Variants in DLGAP2 observed in about 807,000 individuals in gnomAD.
DLGAP2 encodes the protein DLG associated protein 2.
A neutral mutation model predicts 100.3 loss-of-function variants in DLGAP2; 26 were observed. The ratio of observed to expected loss-of-function variants is 0.26; its 90% CI spans 0.19 to 0.36. DLGAP2 has a LOEUF of 0.36. Ranked by LOEUF, DLGAP2 falls within the 10% of genes least tolerant of loss-of-function variation. The pLI, the probability that DLGAP2 is intolerant of heterozygous loss-of-function variation, is 1.00. For synonymous variants in DLGAP2, 886 were observed against 630.1 expected (o/e 1.41, Z -6.08); for missense variants, 1,858 against 1,453.2 (o/e 1.28, Z -4.53).
chr8:901,556 C>CCAGAGAGGAGCGAG (rs1798251455), intron 1 of DLGAP2, among the ~76,000 whole-genome samples: 1 of 152,148 alleles, frequency 6.6e-6, no homozygotes, highest in African/African-American at 2.4e-5. Flanking sequence ...GTTAAATGAT[C>CCAGAGAGGAGCGAG]ACGGTGAGAT....
chr8:1,545,942 T>A (rs1801520198), intron 4 of DLGAP2, among the ~76,000 whole-genome samples: 1 of 152,204 alleles, frequency 6.6e-6, no homozygotes, highest in South Asian at 2.1e-4. Flanking sequence ...TAAAATTGTA[T>A]TAAATTACAC....
chr8:1,165,505 T>C (rs1796998223), intron 2 of DLGAP2, among the ~76,000 whole-genome samples: 1 of 152,218 alleles, frequency 6.6e-6, no homozygotes, highest in Non-Finnish European at 1.5e-5. Flanking sequence ...ATGTGTACAT[T>C]TGCTCATCAG....
intron 3 of DLGAP2, among the ~76,000 whole-genome samples, chr8:1,289,197 G>A (rs1245431795): frequency 6.6e-6 from 1 of 152,168 alleles, no homozygotes; most frequent in Admixed American, 6.5e-5. Flanking sequence ...ACCAGTATTG[G>A]GAGTGAAGGA....
chr8:1,011,320 C>T (rs1215857715), intron 2 of DLGAP2, among the ~76,000 whole-genome samples: 2 of 148,068 alleles, frequency 1.4e-5, no homozygotes, highest in Non-Finnish European at 3.0e-5. Context: ...CACAGTGGAC[C>T]CTGGAATGAG....
At chr8:1,668,773 T>C (rs1798613782) in intron 9 of DLGAP2, 95 bp downstream of exon 9, 6 of 1,134,596 alleles carry the variant, frequency 5.3e-6, no homozygotes, top group Non-Finnish European at 7.3e-6. Context: ...CCTGGGTCCT[T>C]AGCACTGACT....
chr8:1,576,500 T>C (rs1402414444), intron 6 of DLGAP2, among the ~76,000 whole-genome samples: 3 of 152,202 alleles, frequency 2.0e-5, no homozygotes, highest in Non-Finnish European at 2.9e-5. Flanking sequence ...ATTTTTGCTT[T>C]TGTTGCCATT....
chr8:1,123,635 CT>C (rs1041122112), intron 2 of DLGAP2, among the ~76,000 whole-genome samples: 3 of 149,802 alleles, frequency 2.0e-5, no homozygotes, highest in South Asian at 4.2e-4. Flanking sequence ...TCCTTTATTC[CT>C]AAGGGAAAAA....
intron 12 of DLGAP2, among the ~76,000 whole-genome samples, chr8:1,690,095 G>A (rs1391850964): frequency 3.3e-5 from 5 of 152,166 alleles, no homozygotes; most frequent in Non-Finnish European, 5.9e-5. Flanking sequence ...GGTGGCTCAC[G>A]CCTGTAATCC....
chr8:1,005,645 C>T (rs1296410238), intron 2 of DLGAP2, among the ~76,000 whole-genome samples: 1 of 150,414 alleles, frequency 6.6e-6, no homozygotes, highest in Non-Finnish European at 1.5e-5. Context: ...GTCTCAAATT[C>T]CTAGGTTCAA....
intron 3 of DLGAP2, among the ~76,000 whole-genome samples, chr8:1,459,204 C>G (rs1286444204): frequency 6.7e-6 from 1 of 149,438 alleles, no homozygotes; most frequent in Non-Finnish European, 1.5e-5. Flanking sequence ...TGCGTAGACC[C>G]CAGGGGTCAC....
intron 12 of DLGAP2, among the ~76,000 whole-genome samples, chr8:1,691,006 C>G (rs1332555180): frequency 6.6e-6 from 1 of 152,186 alleles, no homozygotes; most frequent in Non-Finnish European, 1.5e-5. Flanking sequence ...CTACGTAACA[C>G]ACACCTCACA....
chr8:875,201 C>G (rs961947540), intron 1 of DLGAP2, among the ~76,000 whole-genome samples: 1 of 152,134 alleles, frequency 6.6e-6, no homozygotes, highest in Non-Finnish European at 1.5e-5. Context: ...TTAAGTCTGA[C>G]AACATGCTTC....
chr8:1,187,670 T>C (rs140325121), intron 2 of DLGAP2, among the ~76,000 whole-genome samples: 10,702 of 111,266 alleles, frequency 0.096, 2,183 homozygotes, highest in African/African-American at 0.37. Flanking sequence ...CCGGGACCTC[T>C]GTGACATTTC....
chr8:1,049,461 C>G (rs1044331647), intron 2 of DLGAP2, among the ~76,000 whole-genome samples: 3 of 152,092 alleles, frequency 2.0e-5, no homozygotes, highest in African/African-American at 7.2e-5. Flanking sequence ...TGCTTAACGT[C>G]ACACGGGAAT....
At chr8:1,029,023 C>T (rs545059510) in intron 2 of DLGAP2, among the ~76,000 whole-genome samples, 13 of 152,104 alleles carry the variant, frequency 8.5e-5, no homozygotes, top group Non-Finnish European at 1.9e-4. Flanking sequence ...TCCAAGCTGT[C>T]CTAGCTTCCC....
At chr8:1,536,925 C>G (rs989531134) in intron 4 of DLGAP2, among the ~76,000 whole-genome samples, 1 of 152,076 alleles carries the variant, frequency 6.6e-6, no homozygotes, top group Non-Finnish European at 1.5e-5. Flanking sequence ...CTGCTTGCTG[C>G]GGGCCTGGCA....
At chr8:1,476,996 C>A (rs1469738855) in intron 3 of DLGAP2, among the ~76,000 whole-genome samples, 1 of 151,996 alleles carries the variant, frequency 6.6e-6, no homozygotes, top group Non-Finnish European at 1.5e-5. Context: ...TGTGACCCTC[C>A]AGGAACCTAA....
chr8:1,669,584 C>T (rs1020113596), intron 9 of DLGAP2, among the ~76,000 whole-genome samples, 159 bp from the exon 10 acceptor site: 2 of 152,238 alleles, frequency 1.3e-5, no homozygotes, highest in Non-Finnish European at 2.9e-5. Context: ...TTGATTGCCG[C>T]TGGGGCGGCC....
At chr8:1,352,316 G>C (rs1451347041) in intron 3 of DLGAP2, among the ~76,000 whole-genome samples, 3 of 150,820 alleles carry the variant, frequency 2.0e-5, no homozygotes, top group Non-Finnish European at 4.4e-5. Flanking sequence ...AGGCCGTGCG[G>C]GTCCTGAGTG....
Sources: gnomAD v4.1 joint callset for allele counts (sites outside exome capture counted in the v4.1 genomes callset) on GRCh38, gnomAD v4.1.1 for gene constraint, MANE v1.5 for transcripts, NCBI Gene and HGNC (gene_info 2026-07-23, HGNC 2026-07-21) for gene names.